Variants in MUC5B observed in about 807,000 individuals in gnomAD.
The protein encoded by MUC5B is mucin-5B.
In MUC5B, 116 loss-of-function variants were observed where a neutral mutation model predicts 376.9. That is an observed-to-expected ratio of 0.31 (90% CI 0.26 to 0.36). The LOEUF is 0.36. Ranked by LOEUF, MUC5B falls within the 10% of genes least tolerant of loss-of-function variation. The pLI is 1.00. For synonymous variants in MUC5B, 3,517 were observed against 3,390.9 expected, an observed-to-expected ratio of 1.04 and a Z score of -1.29; for missense variants, 7,165 against 7,769.9, an observed-to-expected ratio of 0.92 and a Z score of 2.93.
In MUC5B at chr11:1,251,762, C is replaced by A; in HGVS notation, c.14863+19C>A. The A allele has an allele frequency of 1.3e-6, 2 of 1,504,550 alleles. No homozygotes were observed. Among genetic ancestry groups the A allele is most frequent in the Admixed American group, 3.5e-5 (2 of 56,748 alleles). The allele number at this position is 1,504,550 out of a possible 1,614,324, so 93.2% of individuals were successfully genotyped here. ...TCGCCCGGTGAGTGCATGTGGATAA[C>A]ACTGCTGTACCCTTTCCCCACATGC... On this transcript the variant is annotated intron_variant, in intron 31 of 48. Transcript: ENST00000529681.
At position 1,256,723 on chromosome 11, in the gene MUC5B, G is replaced by C; in HGVS notation, c.16189G>C (p.Asp5397His). The part of the protein sequence containing the change: ...GMAEGCFCPE[D>H]QILFNAHMGI... The stretch of plus-strand genomic sequence containing the variant: ...GGCGGAGGGCTGCTTCTGCCCTGAG[G>C]ACCAGATCCTCTTCAACGCACACAT... The change falls in exon 39 of 49, where the codon GAC becomes CAC. Residue 5397 changes from aspartate (D) to histidine (H), a missense_variant. Around this residue, in one of 31 missense-constraint regions of MUC5B, gnomAD observed 842 missense variants for 1,016.9 expected, o/e 0.83. Coordinates refer to ENST00000529681, the MANE Select transcript of MUC5B (RefSeq NM_002458.3). The C allele has an allele frequency of 6.4e-7, 1 of 1,561,446 alleles. No homozygotes were observed. Among genetic ancestry groups the C allele is most frequent in the Non-Finnish European group, 8.7e-7 (1 of 1,155,462 alleles).
At chr11:1,254,977 AGGGGGGT>A in intron 35 of MUC5B, 57 bp from the exon 36 acceptor site, 1 of 138,676 alleles carries the variant, frequency 7.2e-6, no homozygotes, top group Non-Finnish European at 1.3e-5. Flanking sequence ...TGAGTGGGGG[AGGGGGGT>A]GGGGGCTGTG....
At chr11:1,228,012 C>G (rs1861928464) in intron 7 of MUC5B, among the ~76,000 whole-genome samples, 1 of 152,216 alleles carries the variant, frequency 6.6e-6, no homozygotes, top group Non-Finnish European at 1.5e-5. Context: ...AACACAGGCC[C>G]ATGCTGCACA....
chr11:1,233,093 A>T lies in MUC5B; in HGVS notation c.2146A>T (p.Ser716Cys), dbSNP rs768201763. 6.2e-7 allele frequency: 1 copy of T among 1,607,682 alleles called. No homozygotes were observed. The highest frequency in any genetic ancestry group is 1.7e-5 in the Admixed American group (1 of 59,826). Residue 716 changes from serine to cysteine, a missense_variant, in exon 18 of 49, where the codon AGT (serine) becomes TGT (cysteine). Coordinates refer to ENST00000529681, the MANE Select transcript of MUC5B (RefSeq NM_002458.3). Reference sequence around the variant, plus strand: ...CTGCCAGCCCACTTGCCGCGGCCTGAGTGAGGCCGACGTCACCTGCAGCGT... The same window carrying T: ...CTGCCAGCCCACTTGCCGCGGCCTGTGTGAGGCCGACGTCACCTGCAGCGT... ...DACQPTCRGL[S>C]EADVTCSVSF...
At position 1,242,842 on chromosome 11, in the gene MUC5B, C is replaced by T; in HGVS notation, c.5962C>T (p.Leu1988=). Residue 1988 remains leucine (L), a synonymous_variant, in exon 31 of 49, where the codon CTG becomes TTG. Transcript: ENST00000529681. ...TSVTPIPSSS[L]GTTWTRLSQT... ...CGTTACACCCATCCCCTCTTCCTCC[C>T]TGGGCACCACCTGGACCCGCCTATC... 6.2e-7 allele frequency: 1 copy of T among 1,613,388 alleles called. No homozygotes were observed. The highest frequency in any genetic ancestry group is 8.5e-7 in the Non-Finnish European group (1 of 1,179,662).
Position 1,243,197 on chromosome 11 carries a change from C to T in MUC5B, c.6317C>T (p.Thr2106Ile), listed in dbSNP as rs199592708. ...PGTTHTATVL[T>I]TTTTTVATGS... ...ACCACCCACACCGCCACAGTGCTGA[C>T]CACCACCACCACAACTGTGGCCACT... The change falls in exon 31 of 49, where the codon ACC becomes ATC. Residue 2106 changes from threonine to isoleucine, a missense_variant. Around this residue, in one of 31 missense-constraint regions of MUC5B, gnomAD observed 897 missense variants for 779.6 expected, o/e 1.15. Coordinates refer to ENST00000529681, the MANE Select transcript of MUC5B (RefSeq NM_002458.3). 4.3e-4 allele frequency: 683 copies of T among 1,591,410 alleles called. 1 individual carries two copies. In the African/African-American group the frequency reaches 8.3e-3, roughly 19 times the overall value.
chr11:1,223,095 C>A lies in MUC5B; in HGVS notation c.-29C>A. On this transcript the variant is annotated 5_prime_UTR_variant, in exon 1 of 49. Transcript: ENST00000529681. The stretch of plus-strand genomic sequence containing the variant: ...GGCCCGGCTCCCTCCCTGCCCGTCC[C>A]CGTCCCCCCACCCGTGCCAGCCCCC... The A allele has an allele frequency of 1.4e-6, 1 of 696,782 alleles. No homozygotes were observed. Among genetic ancestry groups the A allele is most frequent in the South Asian group, 1.5e-5 (1 of 66,868 alleles). 43.2% of individuals were successfully genotyped at this position (696,782 alleles called of 1,614,324 possible).
intron 1 of MUC5B, among the ~76,000 whole-genome samples, chr11:1,224,287 G>A (rs370554038): frequency 2.0e-5 from 3 of 152,134 alleles, no homozygotes; most frequent in Non-Finnish European, 4.4e-5. Context: ...TCCTGTGGCC[G>A]GGGAAGGCAG....
chr11:1,241,318 C>T lies in MUC5B; in HGVS notation c.4438C>T (p.Leu1480Phe). ...VTPSIRSTAA[L>F]TSQTGSSSGP... Reference sequence around the variant, plus strand: ...CCCGAGCATCCGGTCGACGGCGGCCCTCACCTCGCAGACTGGGTCCAGCTC... The same window carrying T: ...CCCGAGCATCCGGTCGACGGCGGCCTTCACCTCGCAGACTGGGTCCAGCTC... Residue 1480 changes from leucine to phenylalanine, a missense_variant, in exon 31 of 49, where the codon CTC becomes TTC. Leu to Phe is a conservative substitution (Grantham distance 22, BLOSUM62 0). Around this residue, in one of 31 missense-constraint regions of MUC5B, gnomAD observed 517 missense variants for 545.3 expected, o/e 0.95. Coordinates refer to ENST00000529681, the MANE Select transcript of MUC5B (RefSeq NM_002458.3). 6.2e-7 allele frequency: 1 copy of T among 1,608,102 alleles called. No individual in the cohort carries two copies. The highest frequency in any genetic ancestry group is 8.5e-7 in the Non-Finnish European group (1 of 1,177,250).
Position 1,243,656 on chromosome 11 carries a change from G to A in MUC5B, c.6776G>A (p.Ser2259Asn), listed in dbSNP as rs752898963. 1 of 1,610,868 alleles carries A rather than the reference G, an allele frequency of 6.2e-7. No individual in the cohort carries two copies. Residue 2259 changes from serine to asparagine, a missense_variant, in exon 31 of 49, where the codon AGC becomes AAC. Physicochemically the swap from Ser to Asn is conservative, Grantham distance 46. Coordinates refer to ENST00000529681, the MANE Select transcript of MUC5B (RefSeq NM_002458.3). ...GCCCTTTCCAGCCCTCACCCTAGCA[G>A]CAGAACCACCGAGTCACCCCCTTCT... ...TPALSSPHPS[S>N]RTTESPPSPG...
Position 1,251,776 on chromosome 11 carries a change from T to G in MUC5B, c.14863+33T>G, listed in dbSNP as rs759772825. 2.1e-6 allele frequency: 3 copies of G among 1,446,216 alleles called. No homozygotes were observed. In the South Asian group the frequency reaches 3.8e-5, roughly 18 times the overall value. 89.6% of individuals were successfully genotyped at this position (1,446,216 alleles called of 1,614,324 possible). A position where few individuals can be genotyped will look rare whatever the true frequency, so the allele number is the denominator to read the frequency against. ...CATGTGGATAACACTGCTGTACCCT[T>G]TCCCCACATGCTATGCCAACCTGGG... is the stretch of plus-strand genomic sequence containing the variant. On this transcript the variant is annotated intron_variant, in intron 31 of 48. Coordinates refer to ENST00000529681, the MANE Select transcript of MUC5B (RefSeq NM_002458.3).
chr11:1,233,260 C>T lies in MUC5B; in HGVS notation c.2313C>T (p.Gly771=), dbSNP rs761814806. ...LAPGEVVHDE[G]AVCSCTGGKL... Reference sequence around the variant, plus strand: ...CTGGAGAGGTGGTGCACGACGAGGGCGCCGTGTGGTAAGGGTCTGGGGGGA... The same window carrying T: ...CTGGAGAGGTGGTGCACGACGAGGGTGCCGTGTGGTAAGGGTCTGGGGGGA... Residue 771 remains glycine (G), a synonymous_variant, in exon 18 of 49, where the codon GGC becomes GGT. Coordinates refer to ENST00000529681, the MANE Select transcript of MUC5B (RefSeq NM_002458.3). The T allele has an allele frequency of 1.9e-5, 30 of 1,567,262 alleles. No homozygotes were observed. Among genetic ancestry groups the T allele is most frequent in the African/African-American group, 9.4e-5 (7 of 74,108 alleles).
rs1290871466 is a variant in MUC5B at position 1,242,632 on chromosome 11, G to A, written c.5752G>A (p.Ala1918Thr). The change falls in exon 31 of 49, where the codon GCG becomes ACG. Residue 1918 changes from alanine to threonine, a missense_variant. By Grantham distance (58) the Ala-to-Thr change is moderately conservative (BLOSUM62 0). This residue lies in a region of MUC5B where 897 missense variants were observed against 779.6 expected (regional missense o/e 1.15). Coordinates refer to ENST00000529681, the MANE Select transcript of MUC5B (RefSeq NM_002458.3). ...GCCGACCACAACAGCCACTACGACT[G>A]CGTCCACTGGATCCACGGCCACCCC... ...TKPTTTATTT[A>T]STGSTATPTS... The A allele has an allele frequency of 6.2e-7, 1 of 1,613,502 alleles. No homozygotes were observed. Among genetic ancestry groups the A allele is most frequent in the Non-Finnish European group, 8.5e-7 (1 of 1,179,750 alleles).
In MUC5B at chr11:1,245,229, C is replaced by A. The variant is rs1862422271; in HGVS notation, c.8349C>A (p.His2783Gln). Residue 2783 changes from histidine to glutamine, a missense_variant, in exon 31 of 49, where the codon CAC becomes CAA. Transcript: ENST00000529681. ...CCTCAGGCACCTTGGGCACCACCCA[C>A]ATCACAGAGCCTTCCACGGGGACTT... is the stretch of plus-strand genomic sequence containing the variant. Reference protein sequence around the residue: ...SATSGTLGTTHITEPSTGTSH... With the variant: ...SATSGTLGTTQITEPSTGTSH... 6.3e-7 allele frequency: 1 copy of A among 1,597,518 alleles called. No homozygotes were observed. Among genetic ancestry groups the A allele is most frequent in the Non-Finnish European group, 8.5e-7 (1 of 1,173,746 alleles).
intron 1 of MUC5B, among the ~76,000 whole-genome samples, chr11:1,224,478 G>A (rs1350745575): frequency 1.4e-5 from 2 of 147,460 alleles, no homozygotes; most frequent in East Asian, 2.0e-4. Context: ...GGGGGGGAGG[G>A]GTTGCCTGGG....
intron 38 of MUC5B, 96 bp downstream of exon 38, chr11:1,256,321 C>T: frequency 1.5e-6 from 1 of 677,340 alleles, no homozygotes; most frequent in South Asian, 1.6e-5. Context: ...CCACTGTGGG[C>T]CACAGATCTC....
rs767063973 is a variant in MUC5B, at chr11:1,261,973, C to T, written c.*365C>T. The T allele has an allele frequency of 3.4e-5, 17 of 494,412 alleles. No individual in the cohort carries two copies. Among genetic ancestry groups the T allele is most frequent in the South Asian group, 4.5e-5 (3 of 66,056 alleles). The allele number at this position is 494,412 out of a possible 1,614,324, so 30.6% of individuals were successfully genotyped here. A position where few individuals can be genotyped will look rare whatever the true frequency, so the allele number is the denominator to read the frequency against. On this transcript the variant is annotated 3_prime_UTR_variant, in exon 49 of 49. Coordinates refer to ENST00000529681, the MANE Select transcript of MUC5B (RefSeq NM_002458.3). Reference sequence around the variant, plus strand: ...CGGATTCCAGCTGGCCACGTCCGGCCGCTGGGGCAGACAGGCTGGTCCAGG... The same window carrying T: ...CGGATTCCAGCTGGCCACGTCCGGCTGCTGGGGCAGACAGGCTGGTCCAGG...
At chr11:1,226,174 C>A in intron 2 of MUC5B, 31 bp from the exon 3 acceptor site, 1 of 1,529,014 alleles carries the variant, frequency 6.5e-7, no homozygotes, top group Non-Finnish European at 8.8e-7. Flanking sequence ...TTCCTGGCCA[C>A]GTTCCTGGGG....
Position 1,251,249 on chromosome 11 carries a change from C to G in MUC5B, c.14369C>G (p.Ser4790Cys). Reference protein sequence around the residue: ...TSSTPETTHTSTVLTTTATMT... With the variant: ...TSSTPETTHTCTVLTTTATMT... ...TCTACTCCAGAGACCACCCACACCT[C>G]CACAGTGCTGACCACCACAGCCACC... The change falls in exon 31 of 49, where the codon TCC becomes TGC. Residue 4790 changes from serine (S) to cysteine (C), a missense_variant. By Grantham distance (112) the Ser-to-Cys change is moderately radical. This residue lies in a region of MUC5B where 730 missense variants were observed against 592.7 expected (regional missense o/e 1.23). Coordinates refer to ENST00000529681, the MANE Select transcript of MUC5B (RefSeq NM_002458.3). 2 of 1,611,494 alleles carry G rather than the reference C, an allele frequency of 1.2e-6. No homozygotes were observed. The highest frequency in any genetic ancestry group is 1.7e-6 in the Non-Finnish European group (2 of 1,178,300).
Sources: gnomAD v4.1 joint callset for allele counts (sites outside exome capture counted in the v4.1 genomes callset) on GRCh38, gnomAD v4.1.1 for gene constraint, gnomAD v4.1.1 regional missense constraint, MANE v1.5 for transcripts, NCBI Gene and HGNC (gene_info 2026-07-23, HGNC 2026-07-21) for gene names.